Variants in BRAF observed in about 807,000 individuals in gnomAD.
The protein encoded by BRAF is B-Raf proto-oncogene, serine/threonine kinase.
A neutral mutation model predicts 104.6 loss-of-function variants in BRAF; 16 were observed. That is an observed-to-expected ratio of 0.15 (90% CI 0.10 to 0.23). The LOEUF is 0.23. Ranked by LOEUF, BRAF falls within the 10% of genes least tolerant of loss-of-function variation. The pLI, the probability that BRAF is intolerant of heterozygous loss-of-function variation, is 1.00. For missense variants in BRAF, 541 were observed against 937.3 expected (o/e 0.58, Z 5.52); for synonymous variants, 310 against 341.6 (o/e 0.91, Z 1.02).
chr7:140,850,251 T>C (rs770548950), intron 1 of BRAF, 39 bp from the exon 2 acceptor site: 7 of 1,438,380 alleles, frequency 4.9e-6, no homozygotes, highest in Non-Finnish European at 3.9e-6. Context: ...AAAAATCACT[T>C]AGTATATGAA....
intron 11 of BRAF, among the ~76,000 whole-genome samples, chr7:140,782,161 T>C (rs1800943314): frequency 6.6e-6 from 1 of 152,138 alleles, no homozygotes; most frequent in African/African-American, 2.4e-5. Flanking sequence ...CATGTGGTGT[T>C]TGGTTTTCTG....
intron 14 of BRAF, among the ~76,000 whole-genome samples, chr7:140,757,201 CA>C (rs1798273140): frequency 6.6e-6 from 1 of 152,106 alleles, no homozygotes; most frequent in Non-Finnish European, 1.5e-5. Flanking sequence ...GGATTATATT[CA>C]ATTACAATCC....
At chr7:140,808,752 C>T (rs1803919805) in intron 4 of BRAF, 140 bp downstream of exon 4, 1 of 710,010 alleles carries the variant, frequency 1.4e-6, no homozygotes, top group Non-Finnish European at 2.5e-6. Context: ...TTTCTTCAGG[C>T]TAACTTAGTA....
chr7:140,849,159 C>T (rs1315086294), intron 2 of BRAF, among the ~76,000 whole-genome samples: 1 of 152,142 alleles, frequency 6.6e-6, no homozygotes, highest in African/African-American at 2.4e-5. Context: ...GCAGTGTGGG[C>T]TGTAGAGCCT....
intron 3 of BRAF, among the ~76,000 whole-genome samples, chr7:140,811,794 A>T (rs981793171): frequency 1.3e-5 from 2 of 152,228 alleles, no homozygotes; most frequent in African/African-American, 4.8e-5. Flanking sequence ...TTTTTGGCTC[A>T]TTTAAATAAT....
At chr7:140,808,790 A>G in intron 4 of BRAF, 102 bp downstream of exon 4, 1 of 926,970 alleles carries the variant, frequency 1.1e-6, no homozygotes, top group South Asian at 1.3e-5. Context: ...CCTAAAGTAC[A>G]CTTTCAATTC....
At chr7:140,889,494 A>G (rs994155217) in intron 1 of BRAF, among the ~76,000 whole-genome samples, 1 of 152,168 alleles carries the variant, frequency 6.6e-6, no homozygotes, top group African/African-American at 2.4e-5. Context: ...ACTAGGGGTA[A>G]TGTGCTCAAA....
intron 14 of BRAF, among the ~76,000 whole-genome samples, chr7:140,770,527 CAAA>C (rs35621209): frequency 1.6e-5 from 1 of 63,578 alleles, no homozygotes; most frequent in Non-Finnish European, 3.8e-5. Context: ...TAAGGCCTGC[CAAA>C]AAAAAAAAAA....
intron 1 of BRAF, among the ~76,000 whole-genome samples, chr7:140,852,146 A>G (rs1046009017): frequency 1.3e-5 from 2 of 152,128 alleles, no homozygotes; most frequent in East Asian, 3.9e-4. Context: ...AGGCAGGTGG[A>G]TTGCTTGAGC....
At chr7:140,734,415 TC>T in intron 19 of BRAF, 1 of 1,490,936 alleles carries the variant, frequency 6.7e-7, no homozygotes, top group South Asian at 1.4e-5. Context: ...ATGTTAAAAA[TC>T]CAATGTTAAG....
chr7:140,855,643 T>G (rs1410928886), intron 1 of BRAF, among the ~76,000 whole-genome samples: 2 of 151,494 alleles, frequency 1.3e-5, no homozygotes, highest in African/African-American at 4.8e-5. Flanking sequence ...TTTATATATA[T>G]ATTCATATAT....
intron 8 of BRAF, among the ~76,000 whole-genome samples, chr7:140,789,125 C>T (rs1300906383): frequency 1.3e-5 from 2 of 151,768 alleles, no homozygotes; most frequent in East Asian, 3.9e-4. Context: ...AGGAGAATTG[C>T]TTGAACCTGT....
At chr7:140,891,004 T>C (rs1219718457) in intron 1 of BRAF, among the ~76,000 whole-genome samples, 1 of 152,222 alleles carries the variant, frequency 6.6e-6, no homozygotes, top group Admixed American at 6.5e-5. Context: ...ACTAATTATA[T>C]ATCATATACC....
chr7:140,718,713 T>A (rs1276522816), downstream of BRAF, among the ~76,000 whole-genome samples: 1 of 152,228 alleles, frequency 6.6e-6, no homozygotes, highest in Admixed American at 6.5e-5. Flanking sequence ...GTTTACTTCC[T>A]TTCTGGAAAC....
intron 18 of BRAF, among the ~76,000 whole-genome samples, chr7:140,736,958 G>A (rs1479873485): frequency 6.6e-6 from 1 of 152,040 alleles, no homozygotes; most frequent in African/African-American, 2.4e-5. Context: ...GCTGAGGTGA[G>A]AGGATCGCTT....
At chr7:140,863,321 GA>G (rs1810610049) in intron 1 of BRAF, among the ~76,000 whole-genome samples, 1 of 152,166 alleles carries the variant, frequency 6.6e-6, no homozygotes, top group African/African-American at 2.4e-5. Context: ...TTTCCAACTA[GA>G]AAGTTAAAGA....
rs2129062131 is a variant in BRAF at position 140,834,745 on chromosome 7, G to A, written c.368C>T (p.Ser123Phe). Reference protein sequence around the residue: ...SSASMDTVTSSSSSSLSVLPS... With the variant: ...SSASMDTVTSFSSSSLSVLPS... ...TAGCACTGAAAGGCTAGAAGAGGAA[G>A]AAGATGTAACGGTATCCATTGATGC... The change falls in exon 3 of 20, where the codon TCT becomes TTT. Residue 123 changes from serine (S) to phenylalanine (F), a missense_variant. Around this residue, in one of 10 missense-constraint regions of BRAF, gnomAD observed 86 missense variants for 133.9 expected, o/e 0.64. Coordinates refer to ENST00000644969, the MANE Select transcript of BRAF (RefSeq NM_001374258.1). 6.2e-7 allele frequency: 1 copy of A among 1,614,156 alleles called. No individual in the cohort carries two copies. Among genetic ancestry groups the A allele is most frequent in the Non-Finnish European group, 8.5e-7 (1 of 1,180,006 alleles).
At position 140,754,170 on chromosome 7, in the gene BRAF, A is replaced by G; in HGVS notation, c.1861+17T>C. On this transcript the variant is annotated intron_variant, in intron 15 of 19. Transcript: ENST00000644969. ...AGGATGTTTTCAAACTTCGCAGACAAATTTCAGGAAGGATACTATTACTCT... is the reference window on the plus strand; with the variant it reads ...AGGATGTTTTCAAACTTCGCAGACAGATTTCAGGAAGGATACTATTACTCT... 6.2e-7 allele frequency: 1 copy of G among 1,611,750 alleles called. No individual in the cohort carries two copies. The highest frequency in any genetic ancestry group is 1.7e-5 in the Admixed American group (1 of 59,998).
chr7:140,814,781 A>ATTATATATAACATATATATG (rs1554405614), intron 3 of BRAF, among the ~76,000 whole-genome samples: 5 of 143,238 alleles, frequency 3.5e-5, no homozygotes, highest in African/African-American at 1.3e-4. Context: ...TAACATATAT[A>ATTATATATAACATATATATG]TTATATATAA....
Sources: gnomAD v4.1 joint callset for allele counts (sites outside exome capture counted in the v4.1 genomes callset) on GRCh38, gnomAD v4.1.1 for gene constraint, gnomAD v4.1.1 regional missense constraint, MANE v1.5 for transcripts, NCBI Gene and HGNC (gene_info 2026-07-23, HGNC 2026-07-21) for gene names.